The following DGKB variants were observed in gnomAD, a reference collection of about 807,000 sequenced individuals.
DGKB encodes the protein 90 kDa diacylglycerol kinase.
Under a neutral mutation model 114.3 loss-of-function variants are expected in DGKB, and 67 were observed. The observed-to-expected ratio is 0.59, with a 90% confidence interval of 0.48 to 0.72. The LOEUF is 0.72. DGKB is among the 30% of genes least tolerant of loss of function. The probability of loss-of-function intolerance (pLI) is 0.00; values close to 1 mark genes in which losing one functional copy is unlikely to be tolerated. For missense variants in DGKB, 907 were observed against 975.2 expected (o/e 0.93, Z 0.93); for synonymous variants, 398 against 323.1 (o/e 1.23, Z -2.49).
intron 17 of DGKB, among the ~76,000 whole-genome samples, chr7:14,594,858 TATAAATGA>T (rs1802292057): frequency 6.6e-6 from 1 of 152,090 alleles, no homozygotes; most frequent in South Asian, 2.1e-4. Context: ...CTAAATACTT[TATAAATGA>T]AATGGCACCT....
At chr7:14,682,919 C>G in intron 10 of DGKB, 78 bp from the exon 11 acceptor site, 1 of 987,212 alleles carries the variant, frequency 1.0e-6, no homozygotes, top group South Asian at 1.4e-5. Flanking sequence ...ATGACATTAA[C>G]AGAACCTCAT....
intron 9 of DGKB, among the ~76,000 whole-genome samples, chr7:14,685,651 G>T (rs1361565652): frequency 6.6e-6 from 1 of 152,180 alleles, no homozygotes; most frequent in Non-Finnish European, 1.5e-5. Context: ...ATGGATCAGG[G>T]ACGTGATTGC....
intron 1 of DGKB, chr7:14,974,672 A>G (rs1358086054): frequency 2.6e-5 from 4 of 152,132 alleles, no homozygotes; most frequent in Non-Finnish European, 4.4e-5. Context: ...TAAAGCATAC[A>G]TTTTTCAAAT....
rs145461519 is a variant in DGKB at position 14,540,745 on chromosome 7, C to T, written c.1770+33467G>A. On this transcript the variant is annotated intron_variant, in intron 20 of 25. Coordinates refer to ENST00000402815, the MANE Select transcript of DGKB (RefSeq NM_001350709.2). ...TCTACAAATTGTGGAAAGAACTCAA[C>T]GTAATAGTAACAATGCCAACTACAT... 7.9e-5 allele frequency among the ~76,000 whole-genome samples: 12 copies of T among 152,168 alleles called. No individual in the cohort carries two copies. In the East Asian group the frequency reaches 2.1e-3, roughly 27 times the overall value.
At chr7:14,724,063 T>A (rs1157186428) in intron 5 of DGKB, among the ~76,000 whole-genome samples, 1 of 152,194 alleles carries the variant, frequency 6.6e-6, no homozygotes, top group African/African-American at 2.4e-5. Context: ...TTTTCTCTAT[T>A]TCTTAATGAA....
intron 21 of DGKB, among the ~76,000 whole-genome samples, chr7:14,446,041 T>C (rs566129109): frequency 6.6e-6 from 1 of 152,224 alleles, no homozygotes; most frequent in South Asian, 2.1e-4. Flanking sequence ...CTTGACTTAA[T>C]TGAATATCTA....
chr7:14,333,339 C>T (rs1045864909), intron 23 of DGKB, among the ~76,000 whole-genome samples: 3 of 151,416 alleles, frequency 2.0e-5, no homozygotes, highest in Non-Finnish European at 4.4e-5. Context: ...CGGGTGCCTG[C>T]AGTCCCAGCT....
intron 6 of DGKB, among the ~76,000 whole-genome samples, chr7:14,710,153 A>G (rs544529181): frequency 7.8e-4 from 119 of 152,074 alleles, no homozygotes; most frequent in Non-Finnish European, 1.5e-3. Context: ...ATCTACAACC[A>G]TATTATATTC....
At chr7:14,663,769 T>G (rs1053609057) in intron 13 of DGKB, among the ~76,000 whole-genome samples, 25 of 148,092 alleles carry the variant, frequency 1.7e-4, no homozygotes, top group African/African-American at 5.9e-4. Context: ...TCCACACTTC[T>G]CCTCTTTTCT....
intron 1 of DGKB, among the ~76,000 whole-genome samples, chr7:14,855,987 G>GTATATA (rs3036251): frequency 0.047 from 6,695 of 143,706 alleles, 175 homozygotes; most frequent in Non-Finnish European, 0.06. Context: ...TAGATAATGT[G>GTATATA]TATATATATA....
At chr7:14,527,417 G>A (rs1389346080) in intron 20 of DGKB, among the ~76,000 whole-genome samples, 1 of 151,882 alleles carries the variant, frequency 6.6e-6, no homozygotes, top group Non-Finnish European at 1.5e-5. Context: ...CAAAAGCTGT[G>A]GGTATTATTT....
At chr7:14,818,422 G>A (rs1586708805) in intron 2 of DGKB, among the ~76,000 whole-genome samples, 1 of 152,134 alleles carries the variant, frequency 6.6e-6, no homozygotes, top group South Asian at 2.1e-4. Flanking sequence ...TAAAGGGTGA[G>A]TGATAAATAG....
rs141163890 is a variant in DGKB at position 14,477,395 on chromosome 7, C to A, written c.1835+766G>T. Reference sequence around the variant, plus strand: ...AGATAAAGTCACTTAAATATCTATACAGAAATGCTAGTTATGGTTTTGTAG... The same window carrying A: ...AGATAAAGTCACTTAAATATCTATAAAGAAATGCTAGTTATGGTTTTGTAG... On this transcript the variant is annotated intron_variant, in intron 21 of 25. Coordinates refer to ENST00000402815, the MANE Select transcript of DGKB (RefSeq NM_001350709.2). 8.2e-3 allele frequency among the ~76,000 whole-genome samples: 1,251 copies of A among 152,206 alleles called. 12 individuals carry two copies. The highest frequency in any genetic ancestry group is 0.017 in the Middle Eastern group (5 of 294).
chr7:14,630,139 G>T (rs989797824), intron 14 of DGKB, 97 bp downstream of exon 14: 10 of 678,072 alleles, frequency 1.5e-5, no homozygotes, highest in Non-Finnish European at 6.9e-6. Flanking sequence ...GCTGGTATTC[G>T]AATGTCACTG....
Position 14,196,104 on chromosome 7 carries a change from G to A in DGKB, c.2123-17953C>T, listed in dbSNP as rs181637546. Among the ~76,000 whole-genome samples, 33 of 152,172 alleles carry A rather than the reference G, an allele frequency of 2.2e-4. No individual in the cohort carries two copies. The East Asian group carries it at 6.2e-3, about 29-fold the overall frequency. ...CCCTTGAAACCCTGCTGAGTTCAAG[G>A]CTCTGCACAACAGGAATGTCATAGT... On this transcript the variant is annotated intron_variant, in intron 23 of 25. Transcript: ENST00000402815.
At chr7:14,829,403 C>T (rs1391314485) in intron 2 of DGKB, among the ~76,000 whole-genome samples, 1 of 152,098 alleles carries the variant, frequency 6.6e-6, no homozygotes, top group Non-Finnish European at 1.5e-5. Flanking sequence ...AAAGAAGTCA[C>T]ACACAAAGTA....
intron 5 of DGKB, among the ~76,000 whole-genome samples, chr7:14,732,324 G>A (rs1345959399): frequency 1.3e-5 from 2 of 151,974 alleles, no homozygotes; most frequent in East Asian, 3.9e-4. Flanking sequence ...AACTATAACA[G>A]CATAAACCAA....
intron 23 of DGKB, among the ~76,000 whole-genome samples, chr7:14,266,628 G>A (rs1031261408): frequency 1.3e-5 from 2 of 152,034 alleles, no homozygotes; most frequent in African/African-American, 2.4e-5. Context: ...AAATACCAAC[G>A]TACCAAAATA....
At chr7:14,447,966 T>C (rs1463077434) in intron 21 of DGKB, among the ~76,000 whole-genome samples, 1 of 152,112 alleles carries the variant, frequency 6.6e-6, no homozygotes, top group Non-Finnish European at 1.5e-5. Flanking sequence ...CCAAGAAACT[T>C]AGACATTTCA....
Sources: gnomAD v4.1 joint callset for allele counts (sites outside exome capture counted in the v4.1 genomes callset) on GRCh38, gnomAD v4.1.1 for gene constraint, MANE v1.5 for transcripts, NCBI Gene and HGNC (gene_info 2026-07-23, HGNC 2026-07-21) for gene names.